The following UBASH3A variants were observed in gnomAD, a reference collection of about 807,000 sequenced individuals.
UBASH3A encodes the protein ubiquitin associated and SH3 domain containing A, also known as ubiquitin-associated and SH3 domain-containing protein A.
UBASH3A carries 63 observed loss-of-function variants against 73.5 expected under a neutral mutation model. The observed-to-expected ratio is 0.86, with a 90% CI of 0.70 to 1.06. The LOEUF (loss-of-function observed/expected upper bound fraction) is 1.06. Among genes scored for constraint, UBASH3A ranks in the 50% least tolerant of loss-of-function variants. The pLI is 0.00. For synonymous variants in UBASH3A, 363 were observed against 351.1 expected (o/e 1.03, Z -0.38); for missense variants, 860 against 859.0 (o/e 1.00, Z -0.02).
chr21:42,421,579 G>A (rs1177789626), intron 7 of UBASH3A, among the ~76,000 whole-genome samples: 1 of 152,224 alleles, frequency 6.6e-6, no homozygotes, highest in African/African-American at 2.4e-5. Context: ...TCAGATCTGT[G>A]CTGGACATTT....
At chr21:42,405,573 C>A (rs1274648273) in intron 1 of UBASH3A, among the ~76,000 whole-genome samples, 1 of 152,224 alleles carries the variant, frequency 6.6e-6, no homozygotes, top group Non-Finnish European at 1.5e-5. Flanking sequence ...ACAGCCCCAT[C>A]GGTGCCCACC....
At position 42,419,350 on chromosome 21, in the gene UBASH3A, G is replaced by A. The variant is rs138518464; in HGVS notation, c.1046+741G>A. ...CCTCAATTTATCTCTTTCCTCTCCCGCTTCACTATAAATAACATGAAGAAA... is the reference window on the plus strand; with the variant it reads ...CCTCAATTTATCTCTTTCCTCTCCCACTTCACTATAAATAACATGAAGAAA... On this transcript the variant is annotated intron_variant, in intron 7 of 14. Transcript: ENST00000319294. Among the ~76,000 whole-genome samples the A allele has an allele frequency of 1.1e-4, 17 of 152,136 alleles. No individual in the cohort carries two copies. In the East Asian group the frequency reaches 2.9e-3, roughly 26 times the overall value.
Position 42,413,635 on chromosome 21 carries a change from A to G in UBASH3A, c.667+112A>G, listed in dbSNP as rs539128478. ...CTTAGCTATATGCCAACAGCCTGGG[A>G]AAGTGCCCCAGAAGGGTGTGCCAAG... On this transcript the variant is annotated intron_variant, in intron 5 of 14. Coordinates refer to ENST00000319294, the MANE Select transcript of UBASH3A (RefSeq NM_018961.4). This position sits in a 1 kb window ranked among gnomAD's most constrained non-coding sequence, Gnocchi z 4.5. The G allele has an allele frequency of 1.5e-5, 12 of 793,958 alleles. No individual in the cohort carries two copies. Among genetic ancestry groups the G allele is most frequent in the African/African-American group, 3.5e-5 (2 of 57,672 alleles). The allele number at this position is 793,958 out of a possible 1,614,324, so 49.2% of individuals were successfully genotyped here.
intron 7 of UBASH3A, among the ~76,000 whole-genome samples, chr21:42,422,425 CT>C (rs1413742193): frequency 6.6e-6 from 1 of 152,200 alleles, no homozygotes; most frequent in Admixed American, 6.5e-5. Context: ...CCAATACCCC[CT>C]GGATAGGCAC....
Position 42,413,395 on chromosome 21 carries a change from C to G in UBASH3A, c.554-15C>G. On this transcript the variant is annotated splice_polypyrimidine_tract_variant and intron_variant, in intron 4 of 14. Coordinates refer to ENST00000319294, the MANE Select transcript of UBASH3A (RefSeq NM_018961.4). The surrounding 1 kb of genome is among the most constrained non-coding windows in gnomAD (Gnocchi z 4.5). ...CTTTCTTCCGGGCTCAGTGGCTGCA[C>G]CTGTCCTCACCCAGGCACTTCCGTT... The G allele has an allele frequency of 6.2e-7, 1 of 1,605,478 alleles. No individual in the cohort carries two copies. The highest frequency in any genetic ancestry group is 1.3e-5 in the African/African-American group (1 of 74,830).
chr21:42,439,880 C>A (rs111730085), intron 11 of UBASH3A, among the ~76,000 whole-genome samples: 1 of 144,814 alleles, frequency 6.9e-6, no homozygotes, highest in African/African-American at 2.6e-5. Context: ...ACATACAACA[C>A]GCTGAACACA....
intron 7 of UBASH3A, among the ~76,000 whole-genome samples, chr21:42,426,213 A>G (rs1370404432): frequency 6.6e-6 from 1 of 152,214 alleles, no homozygotes; most frequent in Non-Finnish European, 1.5e-5. Flanking sequence ...ACCCACTCAC[A>G]GTGATGTGTC....
chr21:42,436,694 C>G (rs1177569786), intron 10 of UBASH3A, among the ~76,000 whole-genome samples: 1 of 152,206 alleles, frequency 6.6e-6, no homozygotes. Flanking sequence ...CCACTGAAAC[C>G]TCGCTCATCA....
chr21:42,404,598 CTT>C (rs2052931620), intron 1 of UBASH3A, among the ~76,000 whole-genome samples: 1 of 152,142 alleles, frequency 6.6e-6, no homozygotes, highest in Non-Finnish European at 1.5e-5. Flanking sequence ...GTTGTAATCT[CTT>C]TGTGTGCAGC....
chr21:42,435,754 GAGTTATAGAGTT>G (rs1186056189), intron 10 of UBASH3A, among the ~76,000 whole-genome samples: 3 of 151,988 alleles, frequency 2.0e-5, no homozygotes, highest in African/African-American at 4.8e-5. Flanking sequence ...TAGATTTATA[GAGTTATAGAGTT>G]AGTTATAGAG....
intron 10 of UBASH3A, 119 bp downstream of exon 10, chr21:42,435,073 C>G: frequency 7.5e-7 from 1 of 1,331,640 alleles, no homozygotes; most frequent in Non-Finnish European, 1.0e-6. Flanking sequence ...AGCTTTGTCT[C>G]CAGTCTGCTG....
chr21:42,404,013 C>T lies in UBASH3A; in HGVS notation c.68C>T (p.Ser23Leu), dbSNP rs773952076. The T allele has an allele frequency of 3.9e-6, 6 of 1,529,950 alleles. No homozygotes were observed. The highest frequency in any genetic ancestry group is 5.3e-6 in the Non-Finnish European group (6 of 1,134,832). 94.8% of individuals were successfully genotyped at this position (1,529,950 alleles called of 1,614,324 possible). A position where few individuals can be genotyped will look rare whatever the true frequency, so the allele number is the denominator to read the frequency against. The change falls in exon 1 of 15, where the codon TCG (serine) becomes TTG (leucine). Residue 23 changes from serine to leucine, a missense_variant. Coordinates refer to ENST00000319294, the MANE Select transcript of UBASH3A (RefSeq NM_018961.4). ...AAGCTCAAGAGCCGCAGCAGCCCCT[C>T]GCTCCTGGAGCCCCTCCTGGCCATG... Reference protein sequence around the residue: ...SNKLKSRSSPSLLEPLLAMGF... With the variant: ...SNKLKSRSSPLLLEPLLAMGF...
chr21:42,440,369 A>G (rs184597906), intron 11 of UBASH3A, among the ~76,000 whole-genome samples: 1 of 152,388 alleles, frequency 6.6e-6, no homozygotes, highest in African/African-American at 2.4e-5. Flanking sequence ...CAAAATTGAT[A>G]TATAGCAATT....
chr21:42,417,773 G>A (rs2053244722), intron 6 of UBASH3A, among the ~76,000 whole-genome samples: 1 of 151,620 alleles, frequency 6.6e-6, no homozygotes, highest in Non-Finnish European at 1.5e-5. Flanking sequence ...GAAGGCGGAT[G>A]TGAAAGTCTG....
chr21:42,417,905 G>A (rs2053252730), intron 6 of UBASH3A, among the ~76,000 whole-genome samples: 1 of 123,534 alleles, frequency 8.1e-6, no homozygotes, highest in South Asian at 2.7e-4. Context: ...TTTTTTGAGA[G>A]GGAGTCTCAC....
At chr21:42,420,891 G>A (rs1225937135) in intron 7 of UBASH3A, among the ~76,000 whole-genome samples, 1 of 152,242 alleles carries the variant, frequency 6.6e-6, no homozygotes, top group Non-Finnish European at 1.5e-5. Flanking sequence ...CCTTCCAGCA[G>A]CACCTAGACT....
chr21:42,439,073 G>T (rs556621146), intron 11 of UBASH3A, among the ~76,000 whole-genome samples: 1 of 152,016 alleles, frequency 6.6e-6, no homozygotes, highest in Non-Finnish European at 1.5e-5. Flanking sequence ...CGTCAGAGAC[G>T]CTCCCTCAGA....
intron 9 of UBASH3A, among the ~76,000 whole-genome samples, chr21:42,433,346 C>G (rs1220775901): frequency 6.6e-6 from 1 of 152,202 alleles, no homozygotes; most frequent in East Asian, 1.9e-4. Flanking sequence ...TCAGGGAACA[C>G]AAGGGAGATT....
chr21:42,434,063 A>T (rs1438424435), intron 9 of UBASH3A, among the ~76,000 whole-genome samples: 2 of 152,012 alleles, frequency 1.3e-5, no homozygotes, highest in Non-Finnish European at 2.9e-5. Flanking sequence ...GAGGATAATC[A>T]GTCATCCTGA....
Sources: allele counts gnomAD v4.1 joint callset (sites outside exome capture counted in the v4.1 genomes callset), GRCh38; gene constraint gnomAD v4.1.1; non-coding constraint Gnocchi (gnomAD v3.1); transcripts MANE v1.5; gene names NCBI Gene and HGNC (gene_info 2026-07-23, HGNC 2026-07-21).